Variants in ATOSA observed in about 807,000 individuals in gnomAD.
ATOSA encodes atos homolog A.
At chr15:52,699,587 A>T in the ATOSA span, among the ~76,000 whole-genome samples, 3 of 149,224 alleles carry the variant, frequency 2.0e-5, no homozygotes, top group Non-Finnish European at 3.0e-5. Context: ...GTAACTCATT[A>T]AAAAAAAACA....
At chr15:52,644,362 C>T in the ATOSA span, among the ~76,000 whole-genome samples, 1 of 152,178 alleles carries the variant, frequency 6.6e-6, no homozygotes, top group Non-Finnish European at 1.5e-5. Context: ...TTCTTCATTA[C>T]ATCCATCTCA....
chr15:52,641,657 A>G, the ATOSA span, among the ~76,000 whole-genome samples: 2 of 152,224 alleles, frequency 1.3e-5, no homozygotes, highest in Non-Finnish European at 2.9e-5. Flanking sequence ...TTCATTCATT[A>G]CTCTCTGTGC....
the ATOSA span, among the ~76,000 whole-genome samples, chr15:52,700,464 GCTTTCAGGTT>G: frequency 1.3e-5 from 2 of 151,992 alleles, no homozygotes; most frequent in African/African-American, 4.8e-5. Flanking sequence ...AGAGTCCATA[GCTTTCAGGTT>G]CTCAACAGGA....
the ATOSA span, among the ~76,000 whole-genome samples, chr15:52,665,427 A>C: frequency 6.6e-6 from 1 of 152,208 alleles, no homozygotes; most frequent in Non-Finnish European, 1.5e-5. Context: ...ATCTATAAGA[A>C]AGCGAAATCA....
At chr15:52,633,701 T>C in the ATOSA span, among the ~76,000 whole-genome samples, 5 of 152,264 alleles carry the variant, frequency 3.3e-5, no homozygotes, top group South Asian at 2.1e-4. Context: ...AAAATCACTA[T>C]TAGCAGACCT....
At chr15:52,613,296 G>A in the ATOSA span, among the ~76,000 whole-genome samples, 1 of 152,234 alleles carries the variant, frequency 6.6e-6, no homozygotes, top group Admixed American at 6.5e-5. Flanking sequence ...AACCCGGGAG[G>A]TGGAGGTTGC....
the ATOSA span, among the ~76,000 whole-genome samples, chr15:52,631,396 C>T: frequency 7.2e-5 from 11 of 151,872 alleles, no homozygotes; most frequent in Non-Finnish European, 1.6e-4. Context: ...AAGTACACCA[C>T]TTCTTAAAAA....
the ATOSA span, among the ~76,000 whole-genome samples, chr15:52,650,368 C>A: frequency 6.6e-6 from 1 of 152,238 alleles, no homozygotes; most frequent in East Asian, 1.9e-4. Flanking sequence ...TTGGCTGCAC[C>A]TTACAAACTT....
chr15:52,705,639 G>C, the ATOSA span, among the ~76,000 whole-genome samples: 2 of 152,088 alleles, frequency 1.3e-5, no homozygotes, highest in African/African-American at 4.8e-5. Context: ...TAAGCATACA[G>C]TTCAGTGAAT....
chr15:52,665,549 C>CT, the ATOSA span, among the ~76,000 whole-genome samples: 126 of 148,134 alleles, frequency 8.5e-4, 1 homozygote, highest in Middle Eastern at 3.5e-3. Flanking sequence ...AAAATTGGCA[C>CT]TTTTTTTTTT....
chr15:52,677,969 G>A, the ATOSA span: 3 of 1,613,664 alleles, frequency 1.9e-6, no homozygotes, highest in Non-Finnish European at 2.5e-6. Flanking sequence ...AAAAGAAGGG[G>A]GTGGGGGAAC....
At chr15:52,613,370 A>G in the ATOSA span, among the ~76,000 whole-genome samples, 1 of 152,234 alleles carries the variant, frequency 6.6e-6, no homozygotes. Context: ...CGTCTCAAAT[A>G]TATAAATAAA....
chr15:52,647,627 G>A, the ATOSA span, among the ~76,000 whole-genome samples: 1 of 151,990 alleles, frequency 6.6e-6, no homozygotes, highest in African/African-American at 2.4e-5. Flanking sequence ...TCAGAATAAA[G>A]TTACTTCCCA....
the ATOSA span, among the ~76,000 whole-genome samples, chr15:52,670,295 G>C: frequency 1.6e-3 from 237 of 152,264 alleles, 1 homozygote; most frequent in Middle Eastern, 3.4e-3. Flanking sequence ...AAACCATTTA[G>C]CAATCCCTAC....
the ATOSA span, among the ~76,000 whole-genome samples, chr15:52,654,790 A>C: frequency 6.6e-6 from 1 of 152,314 alleles, no homozygotes; most frequent in African/African-American, 2.4e-5. Context: ...ATTGAGATCT[A>C]CCGATAGTAA....
At chr15:52,704,977 C>A in the ATOSA span, among the ~76,000 whole-genome samples, 1 of 152,126 alleles carries the variant, frequency 6.6e-6, no homozygotes, top group Non-Finnish European at 1.5e-5. Context: ...CTAGAAATAC[C>A]ATTTGACCCA....
chr15:52,651,550 T>C, the ATOSA span, among the ~76,000 whole-genome samples: 21 of 152,220 alleles, frequency 1.4e-4, no homozygotes, highest in African/African-American at 4.1e-4. Context: ...TTCTGGCTAA[T>C]GCACATTCTC....
At chr15:52,635,333 A>G in the ATOSA span, among the ~76,000 whole-genome samples, 2 of 152,246 alleles carry the variant, frequency 1.3e-5, 1 homozygote, top group South Asian at 4.1e-4. Context: ...GATCCTTACC[A>G]GATGCACACA....
At chr15:52,595,405 G>T in the ATOSA span, among the ~76,000 whole-genome samples, 3 of 152,064 alleles carry the variant, frequency 2.0e-5, no homozygotes, top group Non-Finnish European at 2.9e-5. Context: ...AATTTTCATA[G>T]GAGAGGTACA....
Sources: allele counts gnomAD v4.1 joint callset (sites outside exome capture counted in the v4.1 genomes callset), GRCh38; gene constraint gnomAD v4.1.1; transcripts MANE v1.5; gene names NCBI Gene and HGNC (gene_info 2026-07-23, HGNC 2026-07-21).